ADK: variants seen among roughly 807,000 people sequenced by gnomAD.
ADK encodes the protein adenosine kinase, also known as N6,N6-dimethyladenosine kinase.
A neutral mutation model predicts 44.7 loss-of-function variants in ADK; 24 were observed. That is an observed-to-expected ratio of 0.54 (90% CI 0.39 to 0.76). The LOEUF (loss-of-function observed/expected upper bound fraction) is 0.76, where lower values mean the gene tolerates loss of function less well. ADK is among the 30% of genes least tolerant of loss of function. ADK has a pLI of 0.00. For synonymous variants in ADK, 128 were observed against 142.6 expected (o/e 0.90, Z 0.73); for missense variants, 321 against 425.1 (o/e 0.76, Z 2.15).
At chr10:74,616,966 T>G (rs1235833638) in intron 9 of ADK, among the ~76,000 whole-genome samples, 1 of 152,188 alleles carries the variant, frequency 6.6e-6, no homozygotes, top group African/African-American at 2.4e-5. Flanking sequence ...ATGCTATCTA[T>G]TTTTAAATGG....
intron 6 of ADK, among the ~76,000 whole-genome samples, chr10:74,504,115 A>G (rs1262674750): frequency 6.6e-6 from 1 of 152,242 alleles, no homozygotes; most frequent in Non-Finnish European, 1.5e-5. Flanking sequence ...CTGACACCCC[A>G]GGGTACTGCA....
intron 6 of ADK, among the ~76,000 whole-genome samples, chr10:74,405,473 T>C (rs191330004): frequency 6.6e-6 from 1 of 151,964 alleles, no homozygotes; most frequent in African/African-American, 2.4e-5. Context: ...TCTTTTTTTT[T>C]AGATTTTATT....
At chr10:74,275,998 A>G (rs527585312) in intron 3 of ADK, among the ~76,000 whole-genome samples, 1 of 152,300 alleles carries the variant, frequency 6.6e-6, no homozygotes, top group East Asian at 1.9e-4. Flanking sequence ...CCAGCTTTAG[A>G]GGCTGGGCAC....
chr10:74,434,681 T>C (rs1212720632), intron 6 of ADK, among the ~76,000 whole-genome samples: 1 of 152,210 alleles, frequency 6.6e-6, no homozygotes, highest in Non-Finnish European at 1.5e-5. Flanking sequence ...GGGATCTGGC[T>C]ATTATCTGTT....
chr10:74,500,219 A>G (rs1449403016), intron 6 of ADK, among the ~76,000 whole-genome samples: 3 of 152,148 alleles, frequency 2.0e-5, no homozygotes, highest in Non-Finnish European at 4.4e-5. Context: ...GAACAAAGAA[A>G]CACTACCTCT....
At chr10:74,181,635 G>A (rs1410124337) in intron 1 of ADK, among the ~76,000 whole-genome samples, 1 of 152,118 alleles carries the variant, frequency 6.6e-6, no homozygotes, top group African/African-American at 2.4e-5. Context: ...TTTCTATACT[G>A]GATCTTGTGT....
At chr10:74,677,461 C>G (rs1020246993) in intron 10 of ADK, among the ~76,000 whole-genome samples, 1 of 152,148 alleles carries the variant, frequency 6.6e-6, no homozygotes. Context: ...TAGCTTCCTT[C>G]CCCATTCTTC....
rs542449201 is a variant in ADK at position 74,318,969 on chromosome 10, G to A, written c.273+4224G>A. ...AGAATGTGGGCTTGATGCATCAGAGGTATAAGTCACAGTGAATTTTACCTT... is the reference window on the plus strand; with the variant it reads ...AGAATGTGGGCTTGATGCATCAGAGATATAAGTCACAGTGAATTTTACCTT... On this transcript the variant is annotated intron_variant, in intron 4 of 10. Transcript: ENST00000539909. Among the ~76,000 whole-genome samples, 6 of 151,736 alleles carry A rather than the reference G, an allele frequency of 4.0e-5. 1 individual carries two copies. The South Asian group carries it at 1.3e-3, about 32-fold the overall frequency.
chr10:74,697,488 C>A (rs1856250010), intron 10 of ADK, among the ~76,000 whole-genome samples: 4 of 152,094 alleles, frequency 2.6e-5, no homozygotes, highest in Admixed American at 1.3e-4. Flanking sequence ...ACAAAAAAAA[C>A]TTTATTCCTC....
intron 6 of ADK, among the ~76,000 whole-genome samples, chr10:74,474,877 C>T (rs1846764083): frequency 6.6e-6 from 1 of 152,172 alleles, no homozygotes; most frequent in Admixed American, 6.5e-5. Context: ...CCTGTAATCC[C>T]AGCACTTTGG....
chr10:74,178,850 C>G (rs557171505), intron 1 of ADK, among the ~76,000 whole-genome samples: 1 of 152,272 alleles, frequency 6.6e-6, no homozygotes, highest in African/African-American at 2.4e-5. Flanking sequence ...ACATTTTACA[C>G]CTGAGGAAAC....
chr10:74,321,055 G>A (rs550313850), intron 4 of ADK, among the ~76,000 whole-genome samples: 1 of 152,188 alleles, frequency 6.6e-6, no homozygotes, highest in East Asian at 1.9e-4. Context: ...TGAGCTTCGT[G>A]AGGTATTTCT....
At chr10:74,423,878 C>G (rs1844675259) in intron 6 of ADK, 1 of 243,562 alleles carries the variant, frequency 4.1e-6, no homozygotes, top group Non-Finnish European at 8.5e-6. Context: ...AGGAAGGCTG[C>G]TCTGATTATG....
intron 4 of ADK, among the ~76,000 whole-genome samples, chr10:74,380,821 T>A (rs1842957858): frequency 6.6e-6 from 1 of 152,104 alleles, no homozygotes; most frequent in South Asian, 2.1e-4. Flanking sequence ...TTTCAGAAAA[T>A]AATTATACTC....
chr10:74,649,639 A>G (rs1176135806), intron 9 of ADK, among the ~76,000 whole-genome samples: 1 of 151,912 alleles, frequency 6.6e-6, no homozygotes, highest in East Asian at 1.9e-4. Flanking sequence ...AAAAAAAAAC[A>G]AATTCTGTCA....
At chr10:74,320,766 C>G (rs922805498) in intron 4 of ADK, among the ~76,000 whole-genome samples, 1 of 152,054 alleles carries the variant, frequency 6.6e-6, no homozygotes, top group African/African-American at 2.4e-5. Flanking sequence ...TTCTCTCATC[C>G]TGAGAAAACT....
intron 1 of ADK, among the ~76,000 whole-genome samples, chr10:74,174,990 C>G (rs936628349): frequency 1.3e-5 from 2 of 152,204 alleles, no homozygotes; most frequent in Non-Finnish European, 2.9e-5. Context: ...CTTAATTATT[C>G]TATCACAGGG....
chr10:74,573,067 A>G (rs190190389), intron 7 of ADK, among the ~76,000 whole-genome samples: 2,517 of 152,158 alleles, frequency 0.017, 42 homozygotes, highest in Non-Finnish European at 0.029. Flanking sequence ...CCTTTGGAGG[A>G]GGAGAGGCGC....
chr10:74,603,421 C>G (rs1392785966), intron 9 of ADK, among the ~76,000 whole-genome samples: 1 of 152,018 alleles, frequency 6.6e-6, no homozygotes, highest in Non-Finnish European at 1.5e-5. Context: ...CCCCCACCCC[C>G]CGACAGGCCC....
Sources: allele counts gnomAD v4.1 joint callset (sites outside exome capture counted in the v4.1 genomes callset), GRCh38; gene constraint gnomAD v4.1.1; transcripts MANE v1.5; gene names NCBI Gene and HGNC (gene_info 2026-07-23, HGNC 2026-07-21).